STOX2: variants seen among roughly 807,000 people sequenced by gnomAD.
STOX2 encodes storkhead box 2.
Under a neutral mutation model 60.9 loss-of-function variants are expected in STOX2, and 28 were observed. That is an observed-to-expected ratio of 0.46 (90% CI 0.34 to 0.63). STOX2 has a LOEUF of 0.63. STOX2 is among the 30% of genes least tolerant of loss of function. The pLI is 0.01. For missense variants in STOX2, 1,024 were observed against 1,187.7 expected (o/e 0.86, Z 2.03); for synonymous variants, 472 against 463.9 (o/e 1.02, Z -0.22).
At chr4:183,967,442 T>C (rs1267783666) in intron 1 of STOX2, among the ~76,000 whole-genome samples, 1 of 151,668 alleles carries the variant, frequency 6.6e-6, no homozygotes, top group Non-Finnish European at 1.5e-5. Flanking sequence ...TGAGAATGTT[T>C]ATCATCGAGA....
chr4:183,893,039 T>C (rs901527872), intron 1 of STOX2, among the ~76,000 whole-genome samples: 26 of 152,104 alleles, frequency 1.7e-4, no homozygotes, highest in African/African-American at 5.6e-4. Context: ...CCACATCAGA[T>C]ATCCTTCGGA....
At position 183,892,348 on chromosome 4, in the gene STOX2, G is replaced by A. The variant is rs368299442; in HGVS notation, c.364+94293G>A. ...GGCTGGAGTGCAGTGGCGCGATCTC[G>A]GCTCACTGCAAGCTCCGCCTCCCGG... On this transcript the variant is annotated intron_variant, in intron 1 of 2. Transcript: ENST00000513034. 5.5e-4 allele frequency among the ~76,000 whole-genome samples: 83 copies of A among 152,250 alleles called. 2 individuals are homozygous for A. In the South Asian group the frequency reaches 0.015, roughly 28 times the overall value.
intron 1 of STOX2, among the ~76,000 whole-genome samples, chr4:183,885,169 T>C (rs1741052456): frequency 6.6e-6 from 1 of 151,950 alleles, no homozygotes; most frequent in Non-Finnish European, 1.5e-5. Context: ...CAGAGTATAG[T>C]CGCCCACCGC....
chr4:183,952,893 A>G (rs1426519351), intron 1 of STOX2, among the ~76,000 whole-genome samples: 2 of 152,138 alleles, frequency 1.3e-5, no homozygotes, highest in East Asian at 1.9e-4. Context: ...TTGGAGGGAC[A>G]TGGATGAAGC....
chr4:183,968,142 A>C (rs980777906), intron 1 of STOX2, among the ~76,000 whole-genome samples: 2 of 152,166 alleles, frequency 1.3e-5, no homozygotes, highest in Non-Finnish European at 2.9e-5. Context: ...TTTCCCTCCC[A>C]TCTTTCTGAA....
intron 1 of STOX2, among the ~76,000 whole-genome samples, chr4:183,940,532 A>G (rs1049392533): frequency 6.6e-6 from 1 of 152,180 alleles, no homozygotes; most frequent in Non-Finnish European, 1.5e-5. Context: ...TTTTTGCACA[A>G]TCCTGCTTTT....
chr4:183,867,307 G>A (rs1357841333), intron 1 of STOX2, among the ~76,000 whole-genome samples: 2 of 152,220 alleles, frequency 1.3e-5, no homozygotes, highest in Non-Finnish European at 1.5e-5. Context: ...AAAACTTAGG[G>A]AGACTGGTTG....
At chr4:183,890,482 C>CA (rs1180769489) in intron 1 of STOX2, among the ~76,000 whole-genome samples, 261 of 47,842 alleles carry the variant, frequency 5.5e-3, no homozygotes, top group African/African-American at 0.015. Context: ...GACTCCGTCT[C>CA]AAAAAAAAAA....
intron 1 of STOX2, among the ~76,000 whole-genome samples, chr4:183,833,626 C>T (rs1739624907): frequency 6.7e-6 from 1 of 148,490 alleles, no homozygotes; most frequent in African/African-American, 2.6e-5. Flanking sequence ...TTTTATATTT[C>T]TGCAGGAGTT....
intron 1 of STOX2, among the ~76,000 whole-genome samples, chr4:183,868,122 C>T (rs562705982): frequency 1.3e-5 from 2 of 152,070 alleles, no homozygotes; most frequent in East Asian, 3.9e-4. Context: ...TGACTGAAGC[C>T]TCTCGGTGGC....
At chr4:183,896,827 G>T (rs1197223219) in intron 1 of STOX2, among the ~76,000 whole-genome samples, 1 of 152,196 alleles carries the variant, frequency 6.6e-6, no homozygotes, top group African/African-American at 2.4e-5. Context: ...TCAACATAAA[G>T]ATAAGGTATG....
At chr4:183,849,588 T>C (rs780470328) in intron 1 of STOX2, among the ~76,000 whole-genome samples, 17 of 152,210 alleles carry the variant, frequency 1.1e-4, no homozygotes, top group Non-Finnish European at 2.5e-4. Flanking sequence ...TTGTTGACGT[T>C]AAACGTCTGA....
chr4:183,969,579 T>G (rs188523820), intron 1 of STOX2, among the ~76,000 whole-genome samples: 1 of 152,188 alleles, frequency 6.6e-6, no homozygotes, highest in Admixed American at 6.5e-5. Context: ...GATTTCTGCT[T>G]ATTCATAATC....
intron 1 of STOX2, among the ~76,000 whole-genome samples, chr4:183,970,183 G>GTGTGTGTGTGTGT (rs1560911423): frequency 4.7e-4 from 28 of 59,008 alleles, no homozygotes; most frequent in African/African-American, 1.2e-3. Context: ...TGTGTGTGTG[G>GTGTGTGTGTGTGT]GGTTCCAGCT....
chr4:183,918,457 C>G (rs1741995021), intron 1 of STOX2, among the ~76,000 whole-genome samples: 1 of 152,134 alleles, frequency 6.6e-6, no homozygotes, highest in South Asian at 2.1e-4. Context: ...TTTGACTTTT[C>G]AGTTGAAGGT....
At position 184,011,531 on chromosome 4, in the gene STOX2, G is replaced by T; in HGVS notation, c.2585+108G>T. On this transcript the variant is annotated intron_variant, in intron 3 of 3. Transcript: ENST00000308497. The surrounding 1 kb of genome is among the most constrained non-coding windows in gnomAD (Gnocchi z 4.4). ...TCGTAGTCTCAGTTCTATGGATGAG[G>T]GTTAAGAGTTGTATGAGTTGTATTG... The T allele has an allele frequency of 1.9e-6, 3 of 1,572,468 alleles. No individual in the cohort carries two copies. The highest frequency in any genetic ancestry group is 1.2e-5 in the South Asian group (1 of 84,572).
chr4:183,923,726 TG>T (rs527689994), intron 1 of STOX2, among the ~76,000 whole-genome samples: 28 of 152,284 alleles, frequency 1.8e-4, no homozygotes, highest in Non-Finnish European at 2.9e-4. Flanking sequence ...TTGCTTAAAA[TG>T]TAGTGAAGAG....
intron 1 of STOX2, among the ~76,000 whole-genome samples, chr4:183,807,033 C>T (rs540236690): frequency 5.4e-4 from 82 of 152,018 alleles, no homozygotes; most frequent in Non-Finnish European, 6.8e-4. Context: ...AGTGCAGTGG[C>T]GCGATCTCGG....
rs1469963011 is a variant in STOX2, at chr4:183,825,404, C to T, written c.364+27349C>T. Among the ~76,000 whole-genome samples the T allele has an allele frequency of 6.9e-6, 1 of 144,052 alleles. No individual in the cohort carries two copies. Among genetic ancestry groups the T allele is most frequent in the African/African-American group, 3.0e-5 (1 of 33,824 alleles). 94.5% of individuals were successfully genotyped at this position (144,052 alleles called of 152,430 possible). A position where few individuals can be genotyped will look rare whatever the true frequency, so the allele number is the denominator to read the frequency against. Reference sequence around the variant, plus strand: ...CACAGCTGGGCCATCCCTCGTGTGGCGCGTGCTGCAGATGGCAGCGGTCAG... The same window carrying T: ...CACAGCTGGGCCATCCCTCGTGTGGTGCGTGCTGCAGATGGCAGCGGTCAG... On this transcript the variant is annotated intron_variant, in intron 1 of 2. Coordinates refer to the STOX2 transcript ENST00000513034. This position sits in a 1 kb window ranked among gnomAD's most constrained non-coding sequence, Gnocchi z 4.1.
Sources: allele counts gnomAD v4.1 joint callset (sites outside exome capture counted in the v4.1 genomes callset), GRCh38; gene constraint gnomAD v4.1.1; non-coding constraint Gnocchi (gnomAD v3.1); transcripts MANE v1.5; gene names NCBI Gene and HGNC (gene_info 2026-07-23, HGNC 2026-07-21).